The following IDI1 variants were observed in gnomAD, a reference collection of about 807,000 sequenced individuals.
IDI1 encodes isopentenyl-diphosphate delta isomerase 1, also known as isopentenyl-diphosphate Delta-isomerase 1.
Under a neutral mutation model 32.9 loss-of-function variants are expected in IDI1, and 23 were observed. That is an observed-to-expected ratio of 0.70 (90% CI 0.50 to 0.99). The LOEUF (loss-of-function observed/expected upper bound fraction) is 0.99, where lower values mean the gene tolerates loss of function less well. Ranked by LOEUF, IDI1 falls within the 50% of genes least tolerant of loss-of-function variation. The probability of loss-of-function intolerance (pLI) is 0.00; values close to 1 mark genes in which losing one functional copy is unlikely to be tolerated. For missense variants in IDI1, 326 were observed against 351.9 expected (o/e 0.93, Z 0.59); for synonymous variants, 133 against 128.2 (o/e 1.04, Z -0.25).
intron 1 of IDI1, among the ~76,000 whole-genome samples, chr10:1,046,439 A>G (rs1357208709): frequency 6.6e-6 from 1 of 152,172 alleles, no homozygotes; most frequent in Non-Finnish European, 1.5e-5. Flanking sequence ...GCCTGAAGCA[A>G]CAGGAAAAAC....
upstream of IDI1, among the ~76,000 whole-genome samples, chr10:1,052,972 G>T (rs1296798504): frequency 6.6e-6 from 1 of 152,172 alleles, no homozygotes; most frequent in Non-Finnish European, 1.5e-5. Flanking sequence ...ATCTTAGGTA[G>T]ATCTCCTAGA....
upstream of IDI1, among the ~76,000 whole-genome samples, chr10:1,050,018 C>T (rs1319361951): frequency 1.3e-5 from 2 of 152,166 alleles, no homozygotes; most frequent in African/African-American, 2.4e-5. Context: ...TTTCCTCTAC[C>T]TTTTGTGTGG....
intron 2 of IDI1, 74 bp from the exon 3 acceptor site, chr10:1,043,467 A>AT: frequency 1.1e-6 from 1 of 886,542 alleles, no homozygotes; most frequent in Non-Finnish European, 1.9e-6. Context: ...CCTGCAGTTC[A>AT]GAATAACATT....
At chr10:1,048,635 C>T in intron 1 of IDI1, 8 of 1,409,332 alleles carry the variant, frequency 5.7e-6, no homozygotes, top group Non-Finnish European at 7.4e-6. Flanking sequence ...GTCTCTGACG[C>T]CCCGACTCAC....
chr10:1,046,104 C>A (rs1832802354), intron 1 of IDI1, among the ~76,000 whole-genome samples: 1 of 152,140 alleles, frequency 6.6e-6, no homozygotes, highest in Non-Finnish European at 1.5e-5. Flanking sequence ...GGAGTTAGTT[C>A]CAGGACCTCC....
At chr10:1,049,388 A>C (rs1832920482), upstream of IDI1, 4 of 209,610 alleles carry the variant, frequency 1.9e-5, no homozygotes, top group South Asian at 2.0e-4. Flanking sequence ...GTCCCATGGG[A>C]GCGACCTCCG....
In IDI1 at chr10:1,043,966, C is replaced by T. The variant is rs551104957; in HGVS notation, c.313+33G>A. ...GCAAATCGGAAATGCCTACACAAAT[C>T]GCTTTACAAGAAAGACTGTTTCAAA... On this transcript the variant is annotated intron_variant, in intron 2 of 4. Coordinates refer to ENST00000381344, the MANE Select transcript of IDI1 (RefSeq NM_004508.4). 83 of 1,584,752 alleles carry T rather than the reference C, an allele frequency of 5.2e-5. No individual in the cohort carries two copies. The South Asian group carries it at 7.9e-4, about 15-fold the overall frequency.
At chr10:1,044,399 G>A (rs1461852356) in intron 1 of IDI1, among the ~76,000 whole-genome samples, 1 of 152,116 alleles carries the variant, frequency 6.6e-6, no homozygotes, top group Admixed American at 6.5e-5. Context: ...TGAAGGCCAA[G>A]CTCAACGTTC....
At chr10:1,051,828 T>A (rs1436391750), upstream of IDI1, among the ~76,000 whole-genome samples, 5 of 152,240 alleles carry the variant, frequency 3.3e-5, no homozygotes, top group African/African-American at 1.2e-4. Flanking sequence ...ATGAAATTTG[T>A]CACGTTGATT....
intron 1 of IDI1, 179 bp downstream of exon 1, chr10:1,048,685 C>T: frequency 7.1e-7 from 1 of 1,414,494 alleles, no homozygotes; most frequent in African/African-American, 1.5e-5. Flanking sequence ...CACCACAGCC[C>T]GGGAAGGCCC....
In IDI1 at chr10:1,044,159, C is replaced by T. The variant is rs1483583249; in HGVS notation, c.153G>A (p.Gln51=). The T allele has an allele frequency of 1.9e-6, 3 of 1,612,920 alleles. No individual in the cohort carries two copies. The highest frequency in any genetic ancestry group is 2.5e-6 in the Non-Finnish European group (3 of 1,179,156). The part of the protein sequence containing the change: ...CGRRLISVLE[Q]IRHFVMMPEI... ...CAGGCATCATTACAAAATGTCTGAT[C>T]TGTTCTAGAACACTAATATTAAAGG... Residue 51 remains glutamine, a synonymous_variant, in exon 2 of 5, where the codon CAG becomes CAA. Coordinates refer to ENST00000381344, the MANE Select transcript of IDI1 (RefSeq NM_004508.4).
At chr10:1,048,595 C>A in intron 1 of IDI1, 1 of 1,379,070 alleles carries the variant, frequency 7.3e-7, no homozygotes, top group Non-Finnish European at 9.4e-7. Flanking sequence ...GCGCAGACGA[C>A]GATCTTTTCC....
intron 3 of IDI1, 37 bp downstream of exon 3, chr10:1,043,264 G>T: frequency 1.6e-6 from 2 of 1,240,882 alleles, no homozygotes; most frequent in Non-Finnish European, 2.4e-6. Flanking sequence ...TCAAATTAAT[G>T]TACAAACACA....
At position 1,049,042 on chromosome 10, in the gene IDI1, A is replaced by G; in HGVS notation, c.-39T>C. On this transcript the variant is annotated 5_prime_UTR_variant, in exon 1 of 5. Coordinates refer to ENST00000381344, the MANE Select transcript of IDI1 (RefSeq NM_004508.4). ...GGCGCCCGTACGCGCTTGACGACAC[A>G]ATCTCGCCAAGCTTCGCCTGGTGGT... 1 of 1,456,562 alleles carries G rather than the reference A, an allele frequency of 6.9e-7. No individual in the cohort carries two copies. Among genetic ancestry groups the G allele is most frequent in the Non-Finnish European group, 9.0e-7 (1 of 1,113,178 alleles). 90.2% of individuals were successfully genotyped at this position (1,456,562 alleles called of 1,614,324 possible).
At chr10:1,052,854 G>A (rs1833049425), upstream of IDI1, among the ~76,000 whole-genome samples, 3 of 152,304 alleles carry the variant, frequency 2.0e-5, no homozygotes, top group South Asian at 6.2e-4. Context: ...GCCAGGCTTT[G>A]ACTTCTCCTC....
rs964262685 is a variant in IDI1, at chr10:1,039,487, T to C, written c.*1700A>G. On this transcript the variant is annotated 3_prime_UTR_variant, in exon 5 of 5. Transcript: ENST00000381344. ...TTAAAACAGTTTAAGAAAAAAAAAA[T>C]TTATAGGTACCATTTAGCTTTCTAG... The C allele has an allele frequency of 1.3e-5, 2 of 152,052 alleles. No individual in the cohort carries two copies. The highest frequency in any genetic ancestry group is 2.9e-5 in the Non-Finnish European group (2 of 68,022). 9.4% of individuals were successfully genotyped at this position (152,052 alleles called of 1,614,324 possible).
rs1000216791 is a variant in IDI1 at position 1,039,848 on chromosome 10, G to A, written c.*1339C>T. The A allele has an allele frequency of 6.6e-6, 1 of 152,044 alleles. No individual in the cohort carries two copies. Among genetic ancestry groups the A allele is most frequent in the Non-Finnish European group, 1.5e-5 (1 of 68,004 alleles). The allele number at this position is 152,044 out of a possible 1,614,324, so 9.4% of individuals were successfully genotyped here. ...TTAGAAACAATATTATAAATGCAAC[G>A]GAAACTATACAGGCAATATCCTATT... On this transcript the variant is annotated 3_prime_UTR_variant, in exon 5 of 5. Coordinates refer to ENST00000381344, the MANE Select transcript of IDI1 (RefSeq NM_004508.4).
At chr10:1,043,796 T>G (rs1832702486) in intron 2 of IDI1, 2 of 678,558 alleles carry the variant, frequency 2.9e-6, no homozygotes, top group African/African-American at 1.8e-5. Flanking sequence ...AGAAGCCGAG[T>G]AACAGGCATG....
rs1386941706 is a variant in IDI1 at position 1,040,093 on chromosome 10, CTT to C, written c.*1092_*1093del. ...CAGCATTTAAGAATAATAAATCTGT[CTT>C]GAGGTTTCAAATCTGAGATATCTAT... On this transcript the variant is annotated 3_prime_UTR_variant, in exon 5 of 5. Transcript: ENST00000381344. The C allele has an allele frequency of 1.2e-4, 19 of 152,172 alleles. No individual in the cohort carries two copies. Among genetic ancestry groups the C allele is most frequent in the Middle Eastern group, 3.2e-3 (1 of 316 alleles). The allele number at this position is 152,172 out of a possible 1,614,324, so 9.4% of individuals were successfully genotyped here.
Sources: gnomAD v4.1 joint callset for allele counts (sites outside exome capture counted in the v4.1 genomes callset) on GRCh38, gnomAD v4.1.1 for gene constraint, MANE v1.5 for transcripts, NCBI Gene and HGNC (gene_info 2026-07-23, HGNC 2026-07-21) for gene names.